Variants in SLC8A1 observed in about 807,000 individuals in gnomAD.
SLC8A1 encodes solute carrier family 8 member A1, also known as sodium/calcium exchanger 1.
In SLC8A1, 18 loss-of-function variants were observed where a neutral mutation model predicts 68.3. The ratio of observed to expected loss-of-function variants is 0.26; its 90% CI spans 0.18 to 0.39. SLC8A1 has a LOEUF of 0.39. Ranked by LOEUF, SLC8A1 falls within the 10% of genes least tolerant of loss-of-function variation. SLC8A1 has a pLI of 1.00. For missense variants in SLC8A1, 985 were observed against 1,156.7 expected (o/e 0.85, Z 2.15); for synonymous variants, 475 against 415.5 (o/e 1.14, Z -1.74).
At chr2:40,459,367 T>A (rs935593855) in intron 1 of SLC8A1, among the ~76,000 whole-genome samples, 2 of 103,440 alleles carry the variant, frequency 1.9e-5, no homozygotes, top group African/African-American at 7.5e-5. Context: ...TAGGACAGTA[T>A]ATTTTTTTTT....
intron 1 of SLC8A1, among the ~76,000 whole-genome samples, chr2:40,432,761 G>C (rs1317786288): frequency 1.3e-5 from 2 of 151,956 alleles, no homozygotes; most frequent in African/African-American, 4.8e-5. Context: ...TAATCAGAGG[G>C]TGATATGATC....
intron 2 of SLC8A1, among the ~76,000 whole-genome samples, chr2:40,206,269 T>C (rs1466997175): frequency 6.6e-6 from 1 of 152,036 alleles, no homozygotes; most frequent in African/African-American, 2.4e-5. Context: ...AGTCTTAAAA[T>C]CAGGGTACTT....
intron 2 of SLC8A1, among the ~76,000 whole-genome samples, chr2:40,330,532 C>T (rs564223723): frequency 1.3e-5 from 2 of 152,222 alleles, no homozygotes; most frequent in East Asian, 3.9e-4. Context: ...TCTAATTAGT[C>T]ATTTCTGATG....
At position 40,458,756 on chromosome 2, in the gene SLC8A1, C is replaced by A. The variant is rs573450763; in HGVS notation, c.-24-28452G>T. ...TTATCTCAGGAATTACTTCTAAGCT[C>A]TTATTTGGACCAATTTGTGACTAAG... is the stretch of plus-strand genomic sequence containing the variant. On this transcript the variant is annotated intron_variant, in intron 1 of 7. Coordinates refer to the SLC8A1 transcript ENST00000402441. Among the ~76,000 whole-genome samples the A allele has an allele frequency of 2.6e-5, 4 of 152,248 alleles. No homozygotes were observed. In the East Asian group the frequency reaches 7.7e-4, roughly 29 times the overall value.
intron 1 of SLC8A1, among the ~76,000 whole-genome samples, chr2:40,475,783 A>G (rs528512445): frequency 2.3e-4 from 35 of 152,256 alleles, no homozygotes; most frequent in African/African-American, 8.2e-4. Flanking sequence ...CTTCCATCTT[A>G]GAATGACTGG....
intron 2 of SLC8A1, among the ~76,000 whole-genome samples, chr2:40,195,034 T>A (rs558546968): frequency 4.2e-4 from 64 of 152,264 alleles, no homozygotes; most frequent in African/African-American, 1.5e-3. Flanking sequence ...ACAGGACAGA[T>A]GGCTGCTCAT....
intron 1 of SLC8A1, among the ~76,000 whole-genome samples, chr2:40,466,582 G>A (rs747987475): frequency 2.6e-5 from 4 of 152,106 alleles, no homozygotes; most frequent in Admixed American, 6.5e-5. Context: ...GCAAACTGAG[G>A]GTGCTAATCT....
intron 7 of SLC8A1, among the ~76,000 whole-genome samples, chr2:40,136,026 A>T (rs910366355): frequency 6.6e-6 from 1 of 152,190 alleles, no homozygotes. Flanking sequence ...AGTCATTGGC[A>T]TATAGATGTC....
At chr2:40,325,128 C>A (rs1300121575) in intron 2 of SLC8A1, among the ~76,000 whole-genome samples, 1 of 152,000 alleles carries the variant, frequency 6.6e-6, no homozygotes, top group East Asian at 1.9e-4. Context: ...AAAAAAACTA[C>A]AATTAATTCC....
chr2:40,193,333 T>A (rs1278969009), intron 2 of SLC8A1, among the ~76,000 whole-genome samples: 1 of 152,078 alleles, frequency 6.6e-6, no homozygotes, highest in African/African-American at 2.4e-5. Flanking sequence ...AGTATCCAAT[T>A]TTTGTGACTG....
chr2:40,402,162 G>T (rs182001120), intron 2 of SLC8A1, among the ~76,000 whole-genome samples: 5 of 152,146 alleles, frequency 3.3e-5, no homozygotes, highest in Non-Finnish European at 7.3e-5. Flanking sequence ...CAAGATGGTG[G>T]CGAAAGTGAC....
chr2:40,237,569 A>T (rs2060569756), intron 2 of SLC8A1, among the ~76,000 whole-genome samples: 1 of 151,840 alleles, frequency 6.6e-6, no homozygotes, highest in South Asian at 2.1e-4. Context: ...CGTAGCTCAG[A>T]GTAATTTGAT....
intron 1 of SLC8A1, among the ~76,000 whole-genome samples, chr2:40,440,932 A>G (rs1700345505): frequency 6.6e-6 from 1 of 152,166 alleles, no homozygotes; most frequent in Non-Finnish European, 1.5e-5. Flanking sequence ...TGGCCAGGGC[A>G]TTCAGGCAAG....
intron 2 of SLC8A1, among the ~76,000 whole-genome samples, chr2:40,271,151 C>G (rs1428018170): frequency 2.9e-5 from 4 of 138,544 alleles, no homozygotes; most frequent in African/African-American, 1.2e-4. Context: ...CTTTCTGTCA[C>G]TTAGAACAAG....
intron 2 of SLC8A1, among the ~76,000 whole-genome samples, chr2:40,357,098 A>C (rs1446692292): frequency 6.6e-6 from 1 of 152,220 alleles, no homozygotes; most frequent in Non-Finnish European, 1.5e-5. Flanking sequence ...GAGGCACATG[A>C]AAGAGAGTTC....
chr2:40,415,581 T>C (rs1693556715), intron 2 of SLC8A1, among the ~76,000 whole-genome samples: 1 of 152,032 alleles, frequency 6.6e-6, no homozygotes, highest in Non-Finnish European at 1.5e-5. Context: ...AGCCAAGCTG[T>C]ATTACAAAAA....
chr2:40,302,075 T>TGTGTG (rs2071585000), intron 2 of SLC8A1, among the ~76,000 whole-genome samples: 1 of 49,960 alleles, frequency 2.0e-5, no homozygotes, highest in Non-Finnish European at 4.2e-5. Flanking sequence ...GTGTGTGTGT[T>TGTGTG]TAGTAGAGAA....
chr2:40,310,632 A>C (rs184100709), intron 2 of SLC8A1, among the ~76,000 whole-genome samples: 54 of 152,262 alleles, frequency 3.5e-4, no homozygotes, highest in African/African-American at 1.3e-3. Flanking sequence ...TTAGAGCTAT[A>C]TTCTTTAGCA....
chr2:40,238,617 C>T (rs1348649099), intron 2 of SLC8A1, among the ~76,000 whole-genome samples: 2 of 152,242 alleles, frequency 1.3e-5, no homozygotes, highest in African/African-American at 4.8e-5. Flanking sequence ...ATTCGGCCAT[C>T]TTGGCTCCTC....
Sources: allele counts gnomAD v4.1 joint callset (sites outside exome capture counted in the v4.1 genomes callset), GRCh38; gene constraint gnomAD v4.1.1; transcripts MANE v1.5; gene names NCBI Gene and HGNC (gene_info 2026-07-23, HGNC 2026-07-21).